The following RDH12 variants were observed in gnomAD, a reference collection of about 807,000 sequenced individuals.
The protein encoded by RDH12 is all-trans and 9-cis retinol dehydrogenase.
Under a neutral mutation model 34.0 loss-of-function variants are expected in RDH12, and 21 were observed. The ratio of observed to expected loss-of-function variants is 0.62; its 90% CI spans 0.44 to 0.89. The LOEUF is 0.89. Among genes scored for constraint, RDH12 ranks in the 40% least tolerant of loss-of-function variants. The pLI, the probability that RDH12 is intolerant of heterozygous loss-of-function variation, is 0.00. For synonymous variants in RDH12, 198 were observed against 169.9 expected (o/e 1.17, Z -1.29); for missense variants, 394 against 398.6 (o/e 0.99, Z 0.10).
At chr14:67,729,432 C>G (rs774592751) in intron 8 of RDH12, 52 bp downstream of exon 8, 7 of 1,545,330 alleles carry the variant, frequency 4.5e-6, no homozygotes, top group Non-Finnish European at 5.3e-6. Flanking sequence ...TGGGAGGTGC[C>G]GGACTCGCTG....
chr14:67,722,902 A>C lies in RDH12; in HGVS notation c.68+192A>C, dbSNP rs10133699. ...GAAGGAAGCATCTGCGGCCGGGCAGAGGTGGGGCTGAGTTCTGGCCCCACC... is the reference window on the plus strand; with the variant it reads ...GAAGGAAGCATCTGCGGCCGGGCAGCGGTGGGGCTGAGTTCTGGCCCCACC... On this transcript the variant is annotated intron_variant, in intron 3 of 8. Coordinates refer to ENST00000551171, the MANE Select transcript of RDH12 (RefSeq NM_152443.3). Among the ~76,000 whole-genome samples, 9,820 of 152,278 alleles carry C rather than the reference A, an allele frequency of 0.064. 1,003 individuals carry two copies. The highest frequency in any genetic ancestry group is 0.22 in the African/African-American group (8,988 of 41,534).
rs748496027 is a variant in RDH12 at position 67,729,309 on chromosome 14, G to C, written c.777G>C (p.Arg259=). The part of the protein sequence containing the change: ...RLFSPFVKTA[R]EGAQTSLHCA... ...TCTCCCCCTTTGTCAAGACGGCACGGGAGGGGGCGCAGACCAGCCTGCACT... is the reference window on the plus strand; with the variant it reads ...TCTCCCCCTTTGTCAAGACGGCACGCGAGGGGGCGCAGACCAGCCTGCACT... Residue 259 remains arginine, a synonymous_variant, in exon 8 of 9, where the codon CGG becomes CGC. Transcript: ENST00000551171. 21 of 1,601,336 alleles carry C rather than the reference G, an allele frequency of 1.3e-5. No homozygotes were observed. Among genetic ancestry groups the C allele is most frequent in the Non-Finnish European group, 1.8e-5 (21 of 1,179,920 alleles).
At chr14:67,713,631 G>A (rs759916636) in intron 1 of RDH12, among the ~76,000 whole-genome samples, 3 of 152,170 alleles carry the variant, frequency 2.0e-5, no homozygotes, top group Non-Finnish European at 4.4e-5. Flanking sequence ...TTAACAAAAT[G>A]TAAACCCAGA....
At chr14:67,721,572 A>G (rs374940502) in intron 2 of RDH12, among the ~76,000 whole-genome samples, 46 of 152,154 alleles carry the variant, frequency 3.0e-4, no homozygotes, top group African/African-American at 9.4e-4. Flanking sequence ...ACCCACGTTC[A>G]TCATCTCTCC....
chr14:67,726,657 A>T (rs2038190089), intron 6 of RDH12, among the ~76,000 whole-genome samples: 1 of 152,312 alleles, frequency 6.6e-6, no homozygotes, highest in African/African-American at 2.4e-5. Flanking sequence ...TGACTGTTCT[A>T]TCCTTCTGCC....
At chr14:67,727,388 C>A in intron 7 of RDH12, 198 bp downstream of exon 7, 4 of 561,884 alleles carry the variant, frequency 7.1e-6, no homozygotes, top group Non-Finnish European at 6.4e-6. Context: ...TTAAGAACCT[C>A]AAAAAGTTAC....
chr14:67,728,684 C>T (rs918536959), intron 7 of RDH12, among the ~76,000 whole-genome samples: 37 of 137,376 alleles, frequency 2.7e-4, no homozygotes, highest in African/African-American at 8.8e-4. Context: ...AAAATAGTGA[C>T]CGCACCAGGG....
rs553431163 is a variant in RDH12 at position 67,729,929 on chromosome 14, C to T, written c.848+549C>T. 13 of 413,952 alleles carry T rather than the reference C, an allele frequency of 3.1e-5. No individual in the cohort carries two copies. The Admixed American group carries it at 3.3e-4, about 11-fold the overall frequency. 25.6% of individuals were successfully genotyped at this position (413,952 alleles called of 1,614,324 possible). ...CCCAGGGTGAAATCTCTTTCCCATT[C>T]CATGACAGAATCCAGCCCTGTCTGC... On this transcript the variant is annotated intron_variant, in intron 8 of 8. Coordinates refer to ENST00000551171, the MANE Select transcript of RDH12 (RefSeq NM_152443.3).
chr14:67,734,066 T>G lies in RDH12; in HGVS notation c.*218T>G, dbSNP rs1050533643. ...TGTGGACACCTATAGAGTGTTCTTC[T>G]CTAAGACCTGGAAAGTCAGCAACCC... On this transcript the variant is annotated 3_prime_UTR_variant, in exon 9 of 9. Coordinates refer to ENST00000551171, the MANE Select transcript of RDH12 (RefSeq NM_152443.3). 2 of 425,984 alleles carry G rather than the reference T, an allele frequency of 4.7e-6. No homozygotes were observed. The highest frequency in any genetic ancestry group is 4.5e-6 in the Non-Finnish European group (1 of 223,250). 26.4% of individuals were successfully genotyped at this position (425,984 alleles called of 1,614,324 possible).
Position 67,720,858 on chromosome 14 carries a change from G to A in RDH12, c.-264G>A, listed in dbSNP as rs2038116567. The A allele has an allele frequency of 6.6e-6, 1 of 152,212 alleles. No homozygotes were observed. The highest frequency in any genetic ancestry group is 6.5e-5 in the Admixed American group (1 of 15,280). 9.4% of individuals were successfully genotyped at this position (152,212 alleles called of 1,614,324 possible). ...ATATCTTCTCTCCAGAGGACTGTAT[G>A]CTGTTCTTAAGGACTCTCTGCTTCC... On this transcript the variant is annotated 5_prime_UTR_variant, in exon 2 of 9. It removes an upstream start codon present in the reference 5' UTR. Transcript: ENST00000551171.
intron 4 of RDH12, 151 bp from the exon 5 acceptor site, chr14:67,724,948 G>C (rs1019948594): frequency 2.1e-6 from 2 of 958,852 alleles, no homozygotes; most frequent in Admixed American, 3.4e-5. Flanking sequence ...CAGTACTACT[G>C]TGAAAAGCCC....
At chr14:67,714,635 T>A (rs919912380) in intron 1 of RDH12, 1 of 163,622 alleles carries the variant, frequency 6.1e-6, no homozygotes, top group Non-Finnish European at 1.4e-5. Flanking sequence ...GCCACAACCA[T>A]GCAAATCTAC....
chr14:67,720,056 A>G (rs1041353827), intron 1 of RDH12, among the ~76,000 whole-genome samples: 2 of 152,240 alleles, frequency 1.3e-5, no homozygotes, highest in Non-Finnish European at 2.9e-5. Flanking sequence ...CGAGCAATGC[A>G]TCAGCATTAT....
In RDH12 at chr14:67,727,120, G is replaced by C. The variant is rs768588551; in HGVS notation, c.588G>C (p.Arg196Ser). 4 of 1,614,196 alleles carry C rather than the reference G, an allele frequency of 2.5e-6. No individual in the cohort carries two copies. Among genetic ancestry groups the C allele is most frequent in the Middle Eastern group, 1.7e-4 (1 of 6,050 alleles). ...TCCAGAGCGAGAAGCGCTACAGCAGGGGTTTTGCCTATTGCCACAGCAAGC... is the reference window on the plus strand; with the variant it reads ...TCCAGAGCGAGAAGCGCTACAGCAGCGGTTTTGCCTATTGCCACAGCAAGC... The part of the protein sequence containing the change: ...HDLQSEKRYS[R>S]GFAYCHSKLA... The change falls in exon 7 of 9, where the codon AGG (arginine) becomes AGC (serine). Residue 196 changes from arginine (R) to serine (S), a missense_variant. Arg to Ser is a moderately radical substitution (Grantham distance 110). Transcript: ENST00000551171.
chr14:67,716,253 C>A (rs1190498009), intron 1 of RDH12, among the ~76,000 whole-genome samples: 1 of 151,186 alleles, frequency 6.6e-6, no homozygotes, highest in Non-Finnish European at 1.5e-5. Flanking sequence ...TAAGTCAAAC[C>A]GCTGTGACTG....
chr14:67,704,105 C>T lies in RDH12; in HGVS notation c.-275+2170C>T, dbSNP rs1017519232. On this transcript the variant is annotated intron_variant, in intron 1 of 8. Coordinates refer to ENST00000551171, the MANE Select transcript of RDH12 (RefSeq NM_152443.3). ...CATTCTGCAGTTGTTTTGTTTGTTCCCCTTGTTTTAAATTTAAATATATTT... is the reference window on the plus strand; with the variant it reads ...CATTCTGCAGTTGTTTTGTTTGTTCTCCTTGTTTTAAATTTAAATATATTT... Among the ~76,000 whole-genome samples the T allele has an allele frequency of 2.0e-5, 3 of 151,936 alleles. No homozygotes were observed. In the East Asian group the frequency reaches 5.8e-4, roughly 29 times the overall value.
At chr14:67,709,015 T>A (rs1241290044) in intron 1 of RDH12, among the ~76,000 whole-genome samples, 1 of 152,178 alleles carries the variant, frequency 6.6e-6, no homozygotes, top group Non-Finnish European at 1.5e-5. Flanking sequence ...ATGGTCTCGA[T>A]CTTTTGACCT....
intron 7 of RDH12, chr14:67,727,562 G>A (rs1022913694): frequency 8.7e-5 from 25 of 288,032 alleles, no homozygotes; most frequent in South Asian, 3.6e-4. Flanking sequence ...GGCTCACTGC[G>A]ACCTCTGCCT....
intron 1 of RDH12, among the ~76,000 whole-genome samples, chr14:67,712,493 C>CAAAAAA (rs79758974): frequency 0.014 from 553 of 38,506 alleles, no homozygotes; most frequent in Middle Eastern, 0.028. Flanking sequence ...AAAAAACTTG[C>CAAAAAA]AAAAAAAAAA....
Sources: allele counts gnomAD v4.1 joint callset (sites outside exome capture counted in the v4.1 genomes callset), GRCh38; gene constraint gnomAD v4.1.1; transcripts MANE v1.5; gene names NCBI Gene and HGNC (gene_info 2026-07-23, HGNC 2026-07-21).